GRK5: variants seen among roughly 807,000 people sequenced by gnomAD.
GRK5 encodes the protein G protein-coupled receptor kinase 5.
A neutral mutation model predicts 78.4 loss-of-function variants in GRK5; 40 were observed. That is an observed-to-expected ratio of 0.51 (90% CI 0.40 to 0.66). The LOEUF (loss-of-function observed/expected upper bound fraction) is 0.66. Among genes scored for constraint, GRK5 ranks in the 30% least tolerant of loss-of-function variants. The pLI is 0.00. For synonymous variants in GRK5, 289 were observed against 296.8 expected (o/e 0.97, Z 0.27); for missense variants, 598 against 759.9 (o/e 0.79, Z 2.50).
At chr10:119,314,183 T>C (rs1850444137) in intron 1 of GRK5, among the ~76,000 whole-genome samples, 1 of 152,190 alleles carries the variant, frequency 6.6e-6, no homozygotes, top group Admixed American at 6.5e-5. Flanking sequence ...CCACTTTGGG[T>C]GGAATCCTTG....
At chr10:119,313,805 G>T (rs1214184524) in intron 1 of GRK5, among the ~76,000 whole-genome samples, 1 of 152,160 alleles carries the variant, frequency 6.6e-6, no homozygotes, top group East Asian at 1.9e-4. Context: ...TCCCCATGGC[G>T]ACCAGTTACC....
At chr10:119,211,112 C>T (rs1413572328) in intron 1 of GRK5, among the ~76,000 whole-genome samples, 1 of 152,102 alleles carries the variant, frequency 6.6e-6, no homozygotes, top group Non-Finnish European at 1.5e-5. Flanking sequence ...GGTATGGGTT[C>T]AAGATTTTGA....
intron 1 of GRK5, among the ~76,000 whole-genome samples, chr10:119,227,254 C>T (rs906474569): frequency 6.6e-6 from 1 of 151,996 alleles, no homozygotes; most frequent in African/African-American, 2.4e-5. Flanking sequence ...AGATGCAAAC[C>T]CTAGTATATG....
chr10:119,403,252 C>T (rs978800615), intron 4 of GRK5, among the ~76,000 whole-genome samples: 3 of 151,766 alleles, frequency 2.0e-5, no homozygotes, highest in African/African-American at 7.3e-5. Flanking sequence ...CTGCAAGCTC[C>T]GCCTCCCGGG....
rs1303561022 is a variant in GRK5, at chr10:119,430,537, CG to C, written c.597+104del. The C allele has an allele frequency of 4.6e-6, 5 of 1,078,148 alleles. No individual in the cohort carries two copies. The highest frequency in any genetic ancestry group is 2.5e-5 in the East Asian group (1 of 40,210). 66.8% of individuals were successfully genotyped at this position (1,078,148 alleles called of 1,614,324 possible). ...CTAAAGGGTTGGCCCACGGGTCCCC[CG>C]GGGGCACCAGTGGCTCAATGTGGGC... On this transcript the variant is annotated intron_variant, in intron 7 of 15. Coordinates refer to ENST00000392870, the MANE Select transcript of GRK5 (RefSeq NM_005308.3). This position sits in a 1 kb window ranked among gnomAD's most constrained non-coding sequence, Gnocchi z 4.5.
chr10:119,448,333 CAGTG>C, intron 13 of GRK5, 73 bp downstream of exon 13: 8 of 1,493,106 alleles, frequency 5.4e-6, no homozygotes, highest in Non-Finnish European at 7.2e-6. Context: ...TGCTGCCTCA[CAGTG>C]AGCTGGTGCA....
At chr10:119,353,552 C>CTTTCCTATGGTGAATCCAAAGCCTTT (rs1851217270) in intron 2 of GRK5, among the ~76,000 whole-genome samples, 1 of 152,180 alleles carries the variant, frequency 6.6e-6, no homozygotes, top group Admixed American at 6.5e-5. Flanking sequence ...TTGGTGAAAG[C>CTTTCCTATGGTGAATCCAAAGCCTTT]TCTAAATCCA....
At chr10:119,421,362 T>G (rs1852566288) in intron 4 of GRK5, among the ~76,000 whole-genome samples, 1 of 152,226 alleles carries the variant, frequency 6.6e-6, no homozygotes, top group Non-Finnish European at 1.5e-5. Flanking sequence ...AGCCCCCAGT[T>G]GTCGACTCCC....
intron 1 of GRK5, among the ~76,000 whole-genome samples, chr10:119,231,909 A>G (rs1848837084): frequency 6.6e-6 from 1 of 152,306 alleles, no homozygotes; most frequent in African/African-American, 2.4e-5. Flanking sequence ...GCCACGATGG[A>G]GAACAGTATG....
chr10:119,265,476 G>C (rs1457089242), intron 1 of GRK5, among the ~76,000 whole-genome samples: 3 of 152,186 alleles, frequency 2.0e-5, no homozygotes, highest in Admixed American at 6.5e-5. Context: ...GATGGGATTA[G>C]TGCCTTTAGA....
chr10:119,289,251 C>T (rs1386058421), intron 1 of GRK5, among the ~76,000 whole-genome samples: 1 of 152,156 alleles, frequency 6.6e-6, no homozygotes, highest in Non-Finnish European at 1.5e-5. Flanking sequence ...TGCTCAAACT[C>T]CTCCAGAGAT....
At chr10:119,446,171 C>T (rs1268598987) in intron 12 of GRK5, among the ~76,000 whole-genome samples, 2 of 152,190 alleles carry the variant, frequency 1.3e-5, no homozygotes, top group African/African-American at 4.8e-5. Context: ...TTCTCTTCCT[C>T]TCACTTCTCC....
intron 1 of GRK5, among the ~76,000 whole-genome samples, chr10:119,319,978 G>A (rs1376980762): frequency 3.9e-5 from 6 of 152,218 alleles, no homozygotes; most frequent in Non-Finnish European, 5.9e-5. Flanking sequence ...AGCTGCACCC[G>A]CCTCCTTCCC....
chr10:119,431,749 G>C lies in GRK5; in HGVS notation c.738+222G>C, dbSNP rs372398313. On this transcript the variant is annotated intron_variant, in intron 8 of 15. Transcript: ENST00000392870. The surrounding 1 kb of genome is among the most constrained non-coding windows in gnomAD (Gnocchi z 4.8). ...TTTGTCCCATCCCCAGAGCCGGCCA[G>C]TGCCTGGCTCCCTGCTGTGCATGAG... is the stretch of plus-strand genomic sequence containing the variant. Among the ~76,000 whole-genome samples, 3 of 152,228 alleles carry C rather than the reference G, an allele frequency of 2.0e-5. No homozygotes were observed. The highest frequency in any genetic ancestry group is 4.4e-5 in the Non-Finnish European group (3 of 68,040).
chr10:119,260,549 G>A (rs1245432144), intron 1 of GRK5, among the ~76,000 whole-genome samples: 3 of 151,926 alleles, frequency 2.0e-5, no homozygotes, highest in Admixed American at 1.3e-4. Flanking sequence ...AGAGGACCCT[G>A]CGGCCTTCCG....
In GRK5 at chr10:119,253,448, T is replaced by G. The variant is rs1180194242; in HGVS notation, c.52+45479T>G. 6.6e-6 allele frequency among the ~76,000 whole-genome samples: 1 copy of G among 152,206 alleles called. No homozygotes were observed. The highest frequency in any genetic ancestry group is 6.5e-5 in the Admixed American group (1 of 15,280). On this transcript the variant is annotated intron_variant, in intron 1 of 15. Coordinates refer to ENST00000392870, the MANE Select transcript of GRK5 (RefSeq NM_005308.3). This position sits in a 1 kb window ranked among gnomAD's most constrained non-coding sequence, Gnocchi z 5.7. ...ACCCCTGCCCTCCGTTCCTTTTATA[T>G]TTAAATCAGAAGCTTAGGCTCCTCC...
chr10:119,320,487 G>C (rs542506271), intron 1 of GRK5, among the ~76,000 whole-genome samples: 1 of 152,350 alleles, frequency 6.6e-6, no homozygotes, highest in East Asian at 1.9e-4. Context: ...CTGATGTGCA[G>C]TTCAACACAG....
intron 2 of GRK5, among the ~76,000 whole-genome samples, chr10:119,346,951 C>T (rs557315214): frequency 2.8e-4 from 42 of 152,262 alleles, no homozygotes; most frequent in African/African-American, 9.4e-4. Context: ...GTAAGTCTTA[C>T]GGAGATTAGA....
At chr10:119,255,285 G>A (rs1163394786) in intron 1 of GRK5, among the ~76,000 whole-genome samples, 1 of 152,108 alleles carries the variant, frequency 6.6e-6, no homozygotes, top group African/African-American at 2.4e-5. Context: ...ATTCTCAGGG[G>A]TATCAGGGAC....
Sources: allele counts gnomAD v4.1 joint callset (sites outside exome capture counted in the v4.1 genomes callset), GRCh38; gene constraint gnomAD v4.1.1; non-coding constraint Gnocchi (gnomAD v3.1); transcripts MANE v1.5; gene names NCBI Gene and HGNC (gene_info 2026-07-23, HGNC 2026-07-21).